The following ANK3 variants were observed in gnomAD, a reference collection of about 807,000 sequenced individuals.
ANK3 encodes ankyrin 3, also known as ankyrin-3.
Under a neutral mutation model 370.9 loss-of-function variants are expected in ANK3, and 57 were observed. That is an observed-to-expected ratio of 0.15 (90% CI 0.12 to 0.19). The LOEUF (loss-of-function observed/expected upper bound fraction) is 0.19, where lower values mean the gene tolerates loss of function less well. ANK3 is among the 10% of genes least tolerant of loss of function. The pLI is 1.00. For synonymous variants in ANK3, 1,929 were observed against 1,946.3 expected (o/e 0.99, Z 0.23); for missense variants, 4,439 against 5,302.1 (o/e 0.84, Z 5.06).
chr10:60,127,904 A>G (rs984210126), intron 25 of ANK3, among the ~76,000 whole-genome samples: 2 of 151,878 alleles, frequency 1.3e-5, no homozygotes, highest in South Asian at 2.1e-4. Flanking sequence ...TCACCGTGTT[A>G]GCCAGGATGG....
chr10:60,136,844 A>C (rs1271206237), intron 24 of ANK3, among the ~76,000 whole-genome samples: 6 of 152,194 alleles, frequency 3.9e-5, no homozygotes, highest in Admixed American at 6.6e-5. Context: ...AAAATTAAAG[A>C]TTATTTGCAT....
intron 2 of ANK3, among the ~76,000 whole-genome samples, chr10:60,564,616 T>A (rs966549724): frequency 2.0e-5 from 3 of 152,026 alleles, no homozygotes; most frequent in African/African-American, 7.3e-5. Context: ...GGAATGAAAA[T>A]TAGAAATGGA....
intron 2 of ANK3, among the ~76,000 whole-genome samples, chr10:60,477,991 G>A (rs1440276090): frequency 6.6e-6 from 1 of 152,028 alleles, no homozygotes; most frequent in African/African-American, 2.4e-5. Flanking sequence ...TGACAAGTAT[G>A]TAAAAAATCA....
At chr10:60,504,732 A>C (rs2075889989) in intron 2 of ANK3, among the ~76,000 whole-genome samples, 1 of 152,182 alleles carries the variant, frequency 6.6e-6, no homozygotes, top group Admixed American at 6.5e-5. Flanking sequence ...AAATAAGAAA[A>C]ATGTAGAATA....
intron 2 of ANK3, among the ~76,000 whole-genome samples, chr10:60,521,501 G>C (rs2076346538): frequency 6.6e-6 from 1 of 152,024 alleles, no homozygotes; most frequent in Non-Finnish European, 1.5e-5. Flanking sequence ...GTTAGTATCT[G>C]AGCACAAAAT....
chr10:60,368,644 T>G (rs1261414450), intron 1 of ANK3, among the ~76,000 whole-genome samples: 1 of 152,130 alleles, frequency 6.6e-6, no homozygotes, highest in African/African-American at 2.4e-5. Context: ...GAAAATTACT[T>G]GAAATATTTT....
At chr10:60,607,405 C>A (rs1222816720) in intron 2 of ANK3, among the ~76,000 whole-genome samples, 1 of 152,092 alleles carries the variant, frequency 6.6e-6, no homozygotes, top group African/African-American at 2.4e-5. Context: ...TACTGCCTCC[C>A]TTTCTAATAT....
At chr10:60,029,916 G>T (rs2073000009) in intron 43 of ANK3, 90 bp from the exon 44 acceptor site, 2 of 98,476 alleles carry the variant, frequency 2.0e-5, no homozygotes, top group Non-Finnish European at 3.6e-5. Context: ...AAGACAACTA[G>T]TGTAAGCCTT....
intron 25 of ANK3, among the ~76,000 whole-genome samples, chr10:60,132,595 A>C (rs2094140159): frequency 6.6e-6 from 1 of 151,886 alleles, no homozygotes; most frequent in African/African-American, 2.4e-5. Flanking sequence ...CAGTGTGAGA[A>C]CAGACTAATA....
intron 16 of ANK3, among the ~76,000 whole-genome samples, chr10:60,190,128 T>TATGAG (rs2096447978): frequency 1.3e-5 from 2 of 152,116 alleles, no homozygotes; most frequent in African/African-American, 2.4e-5. Flanking sequence ...CTCATCACAT[T>TATGAG]TCTAGGACAT....
chr10:60,646,528 T>C (rs1025774385), intron 1 of ANK3, among the ~76,000 whole-genome samples: 1 of 152,074 alleles, frequency 6.6e-6, no homozygotes. Flanking sequence ...CTAGGCAACA[T>C]AGCAAGACTG....
intron 1 of ANK3, among the ~76,000 whole-genome samples, chr10:60,307,057 A>T (rs1315672360): frequency 6.6e-6 from 1 of 152,214 alleles, no homozygotes; most frequent in African/African-American, 2.4e-5. Context: ...ATGGTTGAAA[A>T]AAATCAAAAG....
At position 60,085,244 on chromosome 10, in the gene ANK3, G is replaced by A. The variant is rs745737001; in HGVS notation, c.3758C>T (p.Ser1253Leu). ...RLLCSITGGTSPAQWEDITGT... is the reference protein window; with the variant it reads ...RLLCSITGGTLPAQWEDITGT... ...TGTGATGTCTTCCCACTGAGCAGGC[G>A]AAGTGCCCCCTGAGAGAACAACAGC... The change falls in exon 31 of 44, where the codon TCG becomes TTG. Residue 1253 changes from serine to leucine, a missense_variant. Around this residue, in one of 13 missense-constraint regions of ANK3, gnomAD observed 702 missense variants for 941.5 expected, o/e 0.75. Transcript: ENST00000280772. 3.1e-6 allele frequency: 5 copies of A among 1,612,048 alleles called. No homozygotes were observed. Among genetic ancestry groups the A allele is most frequent in the African/African-American group, 1.3e-5 (1 of 74,954 alleles).
intron 7 of ANK3, among the ~76,000 whole-genome samples, chr10:60,260,096 AT>A (rs2097783000): frequency 6.6e-6 from 1 of 152,198 alleles, no homozygotes; most frequent in African/African-American, 2.4e-5. Flanking sequence ...GCCCTTATTA[AT>A]TTTTATAGAA....
At chr10:60,359,152 G>T (rs2058235120) in intron 1 of ANK3, among the ~76,000 whole-genome samples, 1 of 152,088 alleles carries the variant, frequency 6.6e-6, no homozygotes, top group Non-Finnish European at 1.5e-5. Flanking sequence ...CACTAGGGAG[G>T]TGCTCAAGGA....
intron 1 of ANK3, among the ~76,000 whole-genome samples, chr10:60,361,871 T>C (rs1323994705): frequency 6.6e-6 from 1 of 152,196 alleles, no homozygotes; most frequent in Admixed American, 6.5e-5. Flanking sequence ...AAAGCATTTT[T>C]TGGGAAAATT....
At chr10:60,054,544 C>G (rs761361553) in intron 42 of ANK3, among the ~76,000 whole-genome samples, 1 of 152,080 alleles carries the variant, frequency 6.6e-6, no homozygotes, top group Non-Finnish European at 1.5e-5. Flanking sequence ...TGATCTAGAA[C>G]TAAACTTCCT....
At chr10:60,691,286 G>A (rs528410901) in intron 1 of ANK3, among the ~76,000 whole-genome samples, 3 of 152,068 alleles carry the variant, frequency 2.0e-5, no homozygotes, top group East Asian at 1.9e-4. Context: ...ATGTACCCCC[G>A]AATCTAAATG....
At chr10:60,091,162 C>T (rs980788681) in intron 28 of ANK3, among the ~76,000 whole-genome samples, 102 of 152,186 alleles carry the variant, frequency 6.7e-4, no homozygotes, top group African/African-American at 2.2e-3. Context: ...AACCTTGGAC[C>T]CCCAAAGTGT....
Sources: allele counts gnomAD v4.1 joint callset (sites outside exome capture counted in the v4.1 genomes callset), GRCh38; gene constraint gnomAD v4.1.1; regional missense constraint gnomAD v4.1.1; transcripts MANE v1.5; gene names NCBI Gene and HGNC (gene_info 2026-07-23, HGNC 2026-07-21).